Variants in KCNH8 observed in about 807,000 individuals in gnomAD.
The protein encoded by KCNH8 is potassium voltage-gated channel subfamily H member 8.
In KCNH8, 70 loss-of-function variants were observed where a neutral mutation model predicts 103.6. That is an observed-to-expected ratio of 0.68 (90% CI 0.56 to 0.82). The LOEUF is 0.82. Among genes scored for constraint, KCNH8 ranks in the 40% least tolerant of loss-of-function variants. KCNH8 has a pLI of 0.00. For synonymous variants in KCNH8, 498 were observed against 489.4 expected (o/e 1.02, Z -0.23); for missense variants, 1,217 against 1,329.9 (o/e 0.92, Z 1.32).
chr3:19,478,130 T>C (rs1203749641), intron 11 of KCNH8, among the ~76,000 whole-genome samples: 1 of 152,172 alleles, frequency 6.6e-6, no homozygotes, highest in Non-Finnish European at 1.5e-5. Context: ...ATGGTTTATA[T>C]ACACAGTTTA....
chr3:19,188,025 C>T (rs1446604893), intron 1 of KCNH8, among the ~76,000 whole-genome samples: 2 of 152,002 alleles, frequency 1.3e-5, no homozygotes, highest in African/African-American at 4.8e-5. Flanking sequence ...TTCAAATATG[C>T]ATTTTTATTT....
chr3:19,406,807 G>A (rs985984654), intron 7 of KCNH8, among the ~76,000 whole-genome samples: 4 of 152,098 alleles, frequency 2.6e-5, no homozygotes, highest in Admixed American at 2.6e-4. Context: ...ATGTAGTGGG[G>A]AGAACATAGA....
intron 15 of KCNH8, among the ~76,000 whole-genome samples, chr3:19,532,207 T>C (rs1203160051): frequency 2.0e-5 from 3 of 152,204 alleles, no homozygotes; most frequent in Non-Finnish European, 2.9e-5. Context: ...GACTCTTCAA[T>C]GGTTCTTAAG....
intron 11 of KCNH8, among the ~76,000 whole-genome samples, chr3:19,481,989 C>T (rs951994887): frequency 3.3e-5 from 5 of 152,136 alleles, no homozygotes; most frequent in Admixed American, 6.6e-5. Flanking sequence ...CTGGGAGCAT[C>T]GGCAGACTCA....
At chr3:19,284,232 G>A (rs1473628169) in intron 3 of KCNH8, among the ~76,000 whole-genome samples, 1 of 151,936 alleles carries the variant, frequency 6.6e-6, no homozygotes, top group Non-Finnish European at 1.5e-5. Context: ...GTAGGAATAA[G>A]GTTCATGTTA....
chr3:19,219,600 TTTC>T (rs2063851920), intron 1 of KCNH8, among the ~76,000 whole-genome samples: 1 of 152,316 alleles, frequency 6.6e-6, no homozygotes, highest in South Asian at 2.1e-4. Flanking sequence ...CTGAAACAAG[TTTC>T]TTGCACACTG....
chr3:19,295,620 C>T (rs530252292), intron 3 of KCNH8, among the ~76,000 whole-genome samples: 7 of 152,184 alleles, frequency 4.6e-5, no homozygotes, highest in Admixed American at 3.9e-4. Context: ...AGGCTGGAGA[C>T]CTACAGAAAG....
chr3:19,186,384 A>G (rs2063503166), intron 1 of KCNH8, among the ~76,000 whole-genome samples: 1 of 151,944 alleles, frequency 6.6e-6, no homozygotes, highest in South Asian at 2.1e-4. Flanking sequence ...TTCATTTTCA[A>G]AAGTCTCTCC....
intron 3 of KCNH8, among the ~76,000 whole-genome samples, chr3:19,302,019 A>G (rs900881686): frequency 7.2e-5 from 11 of 152,214 alleles, no homozygotes; most frequent in Non-Finnish European, 1.6e-4. Context: ...TCAGCAACCC[A>G]GAAGGTCTCC....
intron 1 of KCNH8, among the ~76,000 whole-genome samples, chr3:19,163,067 T>G (rs1473358148): frequency 6.6e-6 from 1 of 151,672 alleles, no homozygotes; most frequent in Non-Finnish European, 1.5e-5. Context: ...AACTATGAAG[T>G]GCACCTTTGA....
chr3:19,509,803 T>C (rs925797808), intron 11 of KCNH8, among the ~76,000 whole-genome samples: 1 of 152,086 alleles, frequency 6.6e-6, no homozygotes, highest in South Asian at 2.1e-4. Flanking sequence ...CACAGTGAGA[T>C]AGTGGAAAAC....
chr3:19,164,701 A>T (rs1214107869), intron 1 of KCNH8, among the ~76,000 whole-genome samples: 1 of 152,224 alleles, frequency 6.6e-6, no homozygotes, highest in Non-Finnish European at 1.5e-5. Flanking sequence ...AGCTATTTTT[A>T]TGCTTTTTAA....
At chr3:19,501,392 C>T (rs1010759000) in intron 11 of KCNH8, among the ~76,000 whole-genome samples, 43 of 152,018 alleles carry the variant, frequency 2.8e-4, no homozygotes, top group African/African-American at 3.9e-4. Flanking sequence ...TTCCAATCAA[C>T]AGAAAAAGAG....
At chr3:19,524,403 T>C (rs572755848) in intron 15 of KCNH8, among the ~76,000 whole-genome samples, 2 of 152,060 alleles carry the variant, frequency 1.3e-5, no homozygotes, top group South Asian at 4.1e-4. Context: ...ATATGTGTTA[T>C]TGATGTTAAT....
At chr3:19,181,503 G>T (rs181862804) in intron 1 of KCNH8, among the ~76,000 whole-genome samples, 75 of 152,068 alleles carry the variant, frequency 4.9e-4, no homozygotes, top group African/African-American at 1.5e-3. Flanking sequence ...AGAGAGAAAA[G>T]ACATAAAGAA....
In KCNH8 at chr3:19,329,547, T is replaced by C. The variant is rs528409455; in HGVS notation, c.443-13040T>C. Among the ~76,000 whole-genome samples the C allele has an allele frequency of 1.2e-4, 19 of 152,302 alleles. No homozygotes were observed. In the South Asian group the frequency reaches 3.9e-3, roughly 32 times the overall value. The stretch of plus-strand genomic sequence containing the variant: ...CCTTTCATTTTATTCTCTTCTAGTT[T>C]TGACATTTTATGATAGATTTGCTCT... On this transcript the variant is annotated intron_variant, in intron 3 of 15. Coordinates refer to ENST00000328405, the MANE Select transcript of KCNH8 (RefSeq NM_144633.3).
intron 1 of KCNH8, among the ~76,000 whole-genome samples, chr3:19,235,331 G>T (rs959961725): frequency 6.6e-6 from 1 of 152,080 alleles, no homozygotes; most frequent in South Asian, 2.1e-4. Flanking sequence ...GCACATAAAA[G>T]ATTTTTAAAT....
At chr3:19,376,785 G>A (rs2066214236) in intron 5 of KCNH8, among the ~76,000 whole-genome samples, 1 of 152,154 alleles carries the variant, frequency 6.6e-6, no homozygotes, top group South Asian at 2.1e-4. Context: ...AGTGTGAAGA[G>A]ACTCAAAATA....
intron 5 of KCNH8, among the ~76,000 whole-genome samples, chr3:19,350,024 C>T (rs2065778617): frequency 6.6e-6 from 1 of 152,072 alleles, no homozygotes; most frequent in South Asian, 2.1e-4. Context: ...CTCTTGTTGA[C>T]CAACTTATTT....
Sources: gnomAD v4.1 joint callset for allele counts (sites outside exome capture counted in the v4.1 genomes callset) on GRCh38, gnomAD v4.1.1 for gene constraint, MANE v1.5 for transcripts, NCBI Gene and HGNC (gene_info 2026-07-23, HGNC 2026-07-21) for gene names.